ZFR2: variants seen among roughly 807,000 people sequenced by gnomAD.
The protein encoded by ZFR2 is zinc finger RNA-binding protein 2.
A neutral mutation model predicts 105.7 loss-of-function variants in ZFR2; 104 were observed. That is an observed-to-expected ratio of 0.98 (90% CI 0.84 to 1.16). The LOEUF is 1.16. Ranked by LOEUF, ZFR2 falls within the 50% of genes most tolerant of loss-of-function variation. The probability of loss-of-function intolerance (pLI) is 0.00; values close to 1 mark genes in which losing one functional copy is unlikely to be tolerated. For missense variants in ZFR2, 1,425 were observed against 1,355.5 expected (o/e 1.05, Z -0.80); for synonymous variants, 634 against 597.7 (o/e 1.06, Z -0.89).
rs1200550506 is a variant in ZFR2, at chr19:3,858,540, A to G, written c.53+10425T>C. 1.3e-5 allele frequency among the ~76,000 whole-genome samples: 2 copies of G among 152,224 alleles called. No individual in the cohort carries two copies. The highest frequency in any genetic ancestry group is 4.8e-5 in the African/African-American group (2 of 41,472). ...TCTTTCTAAAAACAAGGACTCAGTC[A>G]GGTGCAGTGGCTCACGCCTATAATC... On this transcript the variant is annotated intron_variant, in intron 1 of 18. Coordinates refer to ENST00000262961, the MANE Select transcript of ZFR2 (RefSeq NM_015174.2). The surrounding 1 kb of genome is among the most constrained non-coding windows in gnomAD (Gnocchi z 4.3).
chr19:3,820,699 C>G (rs1385376357), intron 10 of ZFR2, among the ~76,000 whole-genome samples: 1 of 149,852 alleles, frequency 6.7e-6, no homozygotes, highest in East Asian at 2.0e-4. Flanking sequence ...GTCAAGGGGA[C>G]TCAGGGGATA....
At chr19:3,830,275 A>G (rs1339659583) in intron 5 of ZFR2, among the ~76,000 whole-genome samples, 1 of 152,060 alleles carries the variant, frequency 6.6e-6, no homozygotes. Context: ...CCCCATCTCT[A>G]TTGAAAATTT....
chr19:3,841,218 C>G (rs955986645), intron 1 of ZFR2, among the ~76,000 whole-genome samples: 1 of 152,228 alleles, frequency 6.6e-6, no homozygotes, highest in Non-Finnish European at 1.5e-5. Flanking sequence ...GAAAGACCAC[C>G]CCCTTCGCAA....
chr19:3,819,297 A>C, intron 11 of ZFR2, 62 bp from the exon 12 acceptor site: 1 of 1,411,572 alleles, frequency 7.1e-7, no homozygotes, highest in Non-Finnish European at 9.2e-7. Context: ...AGTGCTGGGC[A>C]GGCGGGCAGG....
intron 18 of ZFR2, among the ~76,000 whole-genome samples, chr19:3,806,559 C>T (rs1208418262): frequency 6.6e-6 from 1 of 152,214 alleles, no homozygotes; most frequent in Admixed American, 6.5e-5. Context: ...CCGGCCCGGC[C>T]GACACCGCTT....
At chr19:3,817,730 T>C (rs998622136) in intron 12 of ZFR2, among the ~76,000 whole-genome samples, 1 of 130,080 alleles carries the variant, frequency 7.7e-6, no homozygotes, top group African/African-American at 3.0e-5. Flanking sequence ...CACTCCAGCC[T>C]GGGCAACAGA....
At chr19:3,867,812 G>A (rs1271487400) in intron 1 of ZFR2, among the ~76,000 whole-genome samples, 1 of 151,844 alleles carries the variant, frequency 6.6e-6, no homozygotes, top group Non-Finnish European at 1.5e-5. Flanking sequence ...CCTCCCTGGG[G>A]TAACCTCCCA....
chr19:3,862,440 G>C (rs2038384197), intron 1 of ZFR2, among the ~76,000 whole-genome samples: 1 of 152,130 alleles, frequency 6.6e-6, no homozygotes, highest in Non-Finnish European at 1.5e-5. Flanking sequence ...TGGGACCACA[G>C]GCACGTGCCA....
intron 1 of ZFR2, among the ~76,000 whole-genome samples, chr19:3,867,306 G>GGGGT (rs1555762889): frequency 6.6e-6 from 1 of 150,872 alleles, no homozygotes; most frequent in African/African-American, 2.4e-5. Context: ...TCAACTGTTG[G>GGGGT]GGGGGGAATC....
At position 3,838,870 on chromosome 19, in the gene ZFR2, G is replaced by C. The variant is rs2038105952; in HGVS notation, c.54-3887C>G. 6.6e-6 allele frequency among the ~76,000 whole-genome samples: 1 copy of C among 152,170 alleles called. No individual in the cohort carries two copies. Among genetic ancestry groups the C allele is most frequent in the Admixed American group, 6.5e-5 (1 of 15,272 alleles). ...GCCCTGAGATGCAGGACCAGCTGCA[G>C]CTGCCCAGCTGTCTCCCGGGGCCGC... On this transcript the variant is annotated intron_variant, in intron 1 of 18. Coordinates refer to ENST00000262961, the MANE Select transcript of ZFR2 (RefSeq NM_015174.2). The surrounding 1 kb of genome is among the most constrained non-coding windows in gnomAD (Gnocchi z 4.9).
intron 1 of ZFR2, among the ~76,000 whole-genome samples, chr19:3,857,682 C>T (rs1450079955): frequency 2.3e-5 from 3 of 132,922 alleles, no homozygotes; most frequent in Middle Eastern, 3.6e-3. Context: ...GGCAATGAAG[C>T]GAGACCCTGT....
chr19:3,846,983 A>G (rs1455222803), intron 1 of ZFR2, among the ~76,000 whole-genome samples: 1 of 152,232 alleles, frequency 6.6e-6, no homozygotes, highest in East Asian at 1.9e-4. Flanking sequence ...GTTGCCAATG[A>G]GAGGTCAGCG....
At chr19:3,842,023 A>AT (rs1477497461) in intron 1 of ZFR2, among the ~76,000 whole-genome samples, 1 of 144,366 alleles carries the variant, frequency 6.9e-6, no homozygotes, top group Non-Finnish European at 1.5e-5. Context: ...TTTTTTTTTT[A>AT]TTTTTTTGAG....
Position 3,819,127 on chromosome 19 carries a change from C to T in ZFR2, c.1849G>A (p.Ala617Thr), listed in dbSNP as rs376384650. ...GACACCAGCTTGAGGGCCCGCTCTGCGTGGGACACGGCCCTCTGCACGGCC... is the reference window on the plus strand; with the variant it reads ...GACACCAGCTTGAGGGCCCGCTCTGTGTGGGACACGGCCCTCTGCACGGCC... ...LLAVQRAVSHAERALKLVSDT... is the reference protein window; with the variant it reads ...LLAVQRAVSHTERALKLVSDT... Residue 617 changes from alanine to threonine, a missense_variant, in exon 12 of 19, where the codon GCA becomes ACA. Ala to Thr is a moderately conservative substitution (Grantham distance 58, BLOSUM62 0). Coordinates refer to ENST00000262961, the MANE Select transcript of ZFR2 (RefSeq NM_015174.2). The T allele has an allele frequency of 2.1e-5, 34 of 1,610,970 alleles. No individual in the cohort carries two copies. The highest frequency in any genetic ancestry group is 2.0e-5 in the Non-Finnish European group (24 of 1,179,586).
chr19:3,861,871 A>G lies in ZFR2; in HGVS notation c.53+7094T>C, dbSNP rs187740990. ...AACTCGTGAGCCAGACGTTGCAGTG[A>G]GCCGAGATCGCGCCATTGCACTCCA... On this transcript the variant is annotated intron_variant, in intron 1 of 18. Transcript: ENST00000262961. 3.2e-3 allele frequency among the ~76,000 whole-genome samples: 484 copies of G among 152,288 alleles called. 8 individuals are homozygous for G. Among genetic ancestry groups the G allele is most frequent in the African/African-American group, 0.011 (462 of 41,558 alleles).
chr19:3,806,085 A>G lies in ZFR2; in HGVS notation c.2684T>C (p.Val895Ala). 2 of 1,502,802 alleles carry G rather than the reference A, an allele frequency of 1.3e-6. No individual in the cohort carries two copies. Among genetic ancestry groups the G allele is most frequent in the Non-Finnish European group, 1.8e-6 (2 of 1,125,834 alleles). 93.1% of individuals were successfully genotyped at this position (1,502,802 alleles called of 1,614,324 possible). ...GGGCGGCAGGAGATCCATGCCCAGG[A>G]CCTTGTGGGTCTGCCGGAAGGCCAG... ...RMLAFRQTHK[V>A]LGMDLLPPRH... Residue 895 changes from valine (V) to alanine (A), a missense_variant, in exon 19 of 19, where the codon GTC becomes GCC. By Grantham distance (64) the Val-to-Ala change is moderately conservative (BLOSUM62 0). Transcript: ENST00000262961.
At position 3,827,315 on chromosome 19, in the gene ZFR2, C is replaced by T. The variant is rs143533335; in HGVS notation, c.1035+156G>A. Among the ~76,000 whole-genome samples, 561 of 152,328 alleles carry T rather than the reference C, an allele frequency of 3.7e-3. 3 individuals carry two copies. The highest frequency in any genetic ancestry group is 0.02 in the East Asian group (102 of 5,172). On this transcript the variant is annotated intron_variant, in intron 6 of 18. Transcript: ENST00000262961. ...GAGTTTGGATCCTTGAAGATGAGGA[C>T]GCATGGGCCTGGGCGGCTGGCCCTT...
rs572181783 is a variant in ZFR2 at position 3,808,637 on chromosome 19, T to G, written c.2545+235A>C. Among the ~76,000 whole-genome samples the G allele has an allele frequency of 5.9e-5, 9 of 152,346 alleles. No homozygotes were observed. In the South Asian group the frequency reaches 1.5e-3, roughly 25 times the overall value. ...TAACTGTTGTCTCCTGGGTGGGGGC[T>G]GAGCCCTCCCTTCCGGGACCTGCGT... is the stretch of plus-strand genomic sequence containing the variant. On this transcript the variant is annotated intron_variant, in intron 17 of 18. Coordinates refer to ENST00000262961, the MANE Select transcript of ZFR2 (RefSeq NM_015174.2).
At chr19:3,854,286 C>T (rs184827467) in intron 1 of ZFR2, among the ~76,000 whole-genome samples, 28 of 151,138 alleles carry the variant, frequency 1.9e-4, no homozygotes, top group Admixed American at 1.3e-3. Context: ...CCAGCTACTC[C>T]GGAGGCTGAG....
Sources: allele counts gnomAD v4.1 joint callset (sites outside exome capture counted in the v4.1 genomes callset), GRCh38; gene constraint gnomAD v4.1.1; non-coding constraint Gnocchi (gnomAD v3.1); transcripts MANE v1.5; gene names NCBI Gene and HGNC (gene_info 2026-07-23, HGNC 2026-07-21).